The following ENOX1 variants were observed in gnomAD, a reference collection of about 807,000 sequenced individuals.
The protein encoded by ENOX1 is ecto-NOX disulfide-thiol exchanger 1.
In ENOX1, 42 loss-of-function variants were observed where a neutral mutation model predicts 82.5. The ratio of observed to expected loss-of-function variants is 0.51; its 90% confidence interval spans 0.40 to 0.66. ENOX1 has a LOEUF of 0.66. ENOX1 is among the 30% of genes least tolerant of loss of function. The pLI is 0.00. For synonymous variants in ENOX1, 271 were observed against 282.2 expected, an observed-to-expected ratio of 0.96 and a Z score of 0.40; for missense variants, 608 against 811.6, an observed-to-expected ratio of 0.75 and a Z score of 3.05.
rs559773018 is a variant in ENOX1, at chr13:43,587,177, A to C, written c.-219+80302T>G. 4.5e-4 allele frequency among the ~76,000 whole-genome samples: 69 copies of C among 152,314 alleles called. 1 individual carries two copies. The highest frequency in any genetic ancestry group is 1.6e-3 in the African/African-American group (66 of 41,572). ...TTTTAAAAGATAGATTTAGGGTAAG[A>C]AGCACTTGTCAGTCTCAATTTTGCT... On this transcript the variant is annotated intron_variant, in intron 2 of 16. Coordinates refer to ENST00000690772, the MANE Select transcript of ENOX1 (RefSeq NM_001347969.2).
At chr13:43,251,964 G>T (rs578128376) in intron 14 of ENOX1, among the ~76,000 whole-genome samples, 3 of 152,240 alleles carry the variant, frequency 2.0e-5, no homozygotes, top group African/African-American at 7.2e-5. Flanking sequence ...CGTGTGTGTA[G>T]TGAGGGGACA....
chr13:43,667,518 TACG>T lies in ENOX1; in HGVS notation c.-261_-259del. The T allele has an allele frequency of 1.0e-6, 1 of 985,348 alleles. No individual in the cohort carries two copies. The highest frequency in any genetic ancestry group is 1.2e-6 in the Non-Finnish European group (1 of 829,718). 61.0% of individuals were successfully genotyped at this position (985,348 alleles called of 1,614,324 possible). A position where few individuals can be genotyped will look rare whatever the true frequency, so the allele number is the denominator to read the frequency against. On this transcript the variant is annotated 5_prime_UTR_variant, in exon 2 of 17. Transcript: ENST00000690772. ...CTCTCTCTCCTCCACATATTATAAA[TACG>T]ACATCATGCTGGCAGCAAAGGACCT...
intron 2 of ENOX1, among the ~76,000 whole-genome samples, chr13:43,566,780 T>C (rs1398422071): frequency 6.6e-6 from 1 of 152,096 alleles, no homozygotes; most frequent in East Asian, 1.9e-4. Context: ...AAAAATTTAA[T>C]AATTTACTGA....
chr13:43,455,639 T>C (rs1267999890), intron 3 of ENOX1, among the ~76,000 whole-genome samples: 1 of 152,174 alleles, frequency 6.6e-6, no homozygotes, highest in Admixed American at 6.5e-5. Flanking sequence ...CCGTCTGATA[T>C]GGTTGGCTGT....
chr13:43,534,994 G>A (rs1174136818), intron 2 of ENOX1, among the ~76,000 whole-genome samples: 1 of 152,126 alleles, frequency 6.6e-6, no homozygotes, highest in Non-Finnish European at 1.5e-5. Context: ...TTGCATTCAT[G>A]TACAGTTTTC....
At chr13:43,782,649 T>G (rs1952344311) in intron 1 of ENOX1, among the ~76,000 whole-genome samples, 1 of 152,112 alleles carries the variant, frequency 6.6e-6, no homozygotes, top group Non-Finnish European at 1.5e-5. Flanking sequence ...ACTTAAGGAG[T>G]TATATTAAAG....
At chr13:43,709,594 A>T (rs1172610558) in intron 1 of ENOX1, among the ~76,000 whole-genome samples, 1 of 151,956 alleles carries the variant, frequency 6.6e-6, no homozygotes, top group East Asian at 1.9e-4. Flanking sequence ...GAGGAAAAGA[A>T]GGAAGAAGAT....
chr13:43,232,170 G>A (rs1405594830), intron 15 of ENOX1, among the ~76,000 whole-genome samples: 3 of 139,984 alleles, frequency 2.1e-5, no homozygotes, highest in African/African-American at 8.0e-5. Context: ...CTGAGCTCAA[G>A]TGATCCTCCT....
chr13:43,482,771 A>G (rs1260178078), intron 3 of ENOX1, among the ~76,000 whole-genome samples: 4 of 152,064 alleles, frequency 2.6e-5, no homozygotes, highest in Non-Finnish European at 5.9e-5. Flanking sequence ...ACTAGGGAGG[A>G]GCATTTAGGT....
At chr13:43,408,279 T>A (rs914769116) in intron 5 of ENOX1, among the ~76,000 whole-genome samples, 5 of 152,212 alleles carry the variant, frequency 3.3e-5, no homozygotes, top group Non-Finnish European at 7.4e-5. Context: ...TCTTACGCCT[T>A]GCTTTACTGA....
At position 43,412,878 on chromosome 13, in the gene ENOX1, G is replaced by A. The variant is rs780553672; in HGVS notation, c.37C>T (p.Leu13Phe). ...ATCATCTGAGGAAGCTCCTGGGGAAGCTGGGTGATGTTCTCAACTCCACCT... is the reference window on the plus strand; with the variant it reads ...ATCATCTGAGGAAGCTCCTGGGGAAACTGGGTGATGTTCTCAACTCCACCT... ...DAGGVENITQ[L>F]PQELPQMMAA... is the part of the protein sequence containing the mutation. The change falls in exon 4 of 17, where the codon CTT becomes TTT. Residue 13 changes from leucine to phenylalanine, a missense_variant. Leu to Phe is a conservative substitution (Grantham distance 22). Coordinates refer to ENST00000690772, the MANE Select transcript of ENOX1 (RefSeq NM_001347969.2). 3 of 1,614,116 alleles carry A rather than the reference G, an allele frequency of 1.9e-6. No individual in the cohort carries two copies. Among genetic ancestry groups the A allele is most frequent in the Non-Finnish European group, 2.5e-6 (3 of 1,180,020 alleles).
At position 43,685,873 on chromosome 13, in the gene ENOX1, A is replaced by AACACACACACACAC. The variant is rs60259011; in HGVS notation, c.-284-18343_-284-18330dup. ...ACTGCCTTTAGAAATCCCAGAAGGA[A>AACACACACACACAC]ACACACACACACACACACACACACA... On this transcript the variant is annotated intron_variant, in intron 1 of 16. Transcript: ENST00000690772. Among the ~76,000 whole-genome samples the AACACACACACACAC allele has an allele frequency of 3.1e-3, 433 of 141,516 alleles. 4 individuals are homozygous for AACACACACACACAC. Among genetic ancestry groups the AACACACACACACAC allele is most frequent in the African/African-American group, 9.1e-3 (348 of 38,046 alleles). 92.8% of individuals were successfully genotyped at this position (141,516 alleles called of 152,430 possible). A position where few individuals can be genotyped will look rare whatever the true frequency, so the allele number is the denominator to read the frequency against.
chr13:43,245,968 C>T (rs1375036951), intron 14 of ENOX1, among the ~76,000 whole-genome samples: 2 of 152,168 alleles, frequency 1.3e-5, no homozygotes, highest in Admixed American at 6.5e-5. Flanking sequence ...TTACGGCTCA[C>T]ACGAAGGACC....
intron 3 of ENOX1, among the ~76,000 whole-genome samples, chr13:43,471,980 T>C (rs998832596): frequency 2.0e-5 from 3 of 149,408 alleles, no homozygotes; most frequent in Non-Finnish European, 4.5e-5. Flanking sequence ...AATGTTTAAA[T>C]AAAAAAATTC....
intron 5 of ENOX1, among the ~76,000 whole-genome samples, chr13:43,395,287 C>T (rs530864393): frequency 1.3e-5 from 2 of 152,184 alleles, no homozygotes; most frequent in African/African-American, 2.4e-5. Flanking sequence ...GAGGCCAAGG[C>T]GGGCAGACCA....
chr13:43,534,771 G>A (rs368455354), intron 2 of ENOX1, among the ~76,000 whole-genome samples: 3 of 152,212 alleles, frequency 2.0e-5, no homozygotes, highest in East Asian at 1.9e-4. Context: ...AATGGGGCTG[G>A]GGGGTGTTGC....
chr13:43,262,224 A>ATTCT (rs2044114090), intron 14 of ENOX1, among the ~76,000 whole-genome samples: 1 of 151,848 alleles, frequency 6.6e-6, no homozygotes, highest in Admixed American at 6.5e-5. Context: ...TTACCCCTAT[A>ATTCT]TTCTTTTCTT....
At chr13:43,556,318 T>C (rs187895861) in intron 2 of ENOX1, among the ~76,000 whole-genome samples, 2 of 152,284 alleles carry the variant, frequency 1.3e-5, no homozygotes, top group African/African-American at 4.8e-5. Context: ...CAGAGATTCA[T>C]ATTATAGAAC....
rs9594961 is a variant in ENOX1 at position 43,498,021 on chromosome 13, T to G, written c.-218-13869A>C. Among the ~76,000 whole-genome samples the G allele has an allele frequency of 9.8e-3, 1,489 of 152,176 alleles. 12 individuals carry two copies. The highest frequency in any genetic ancestry group is 0.013 in the Non-Finnish European group (863 of 67,956). ...TAAGTTTGTTTCTTATGGCTTCTCA[T>G]ACCCTATAATAATAATTCCTTCACT... is the stretch of plus-strand genomic sequence containing the variant. On this transcript the variant is annotated intron_variant, in intron 2 of 16. Coordinates refer to ENST00000690772, the MANE Select transcript of ENOX1 (RefSeq NM_001347969.2).
Sources: gnomAD v4.1 joint callset for allele counts (sites outside exome capture counted in the v4.1 genomes callset) on GRCh38, gnomAD v4.1.1 for gene constraint, MANE v1.5 for transcripts, NCBI Gene and HGNC (gene_info 2026-07-23, HGNC 2026-07-21) for gene names.